GPATCH2: variants seen among roughly 807,000 people sequenced by gnomAD.
The protein encoded by GPATCH2 is G-patch domain containing 2, also known as G patch domain-containing protein 2.
A neutral mutation model predicts 58.0 loss-of-function variants in GPATCH2; 51 were observed. That is an observed-to-expected ratio of 0.88 (90% CI 0.70 to 1.11). GPATCH2 has a LOEUF of 1.11. Ranked by LOEUF, GPATCH2 falls within the 50% of genes most tolerant of loss-of-function variation. The pLI, the probability that GPATCH2 is intolerant of heterozygous loss-of-function variation, is 0.00. For missense variants in GPATCH2, 625 were observed against 652.2 expected (o/e 0.96, Z 0.45); for synonymous variants, 222 against 218.5 (o/e 1.02, Z -0.14).
chr1:217,617,119 T>C (rs975390951), intron 2 of GPATCH2, among the ~76,000 whole-genome samples: 1 of 152,186 alleles, frequency 6.6e-6, no homozygotes, highest in Non-Finnish European at 1.5e-5. Flanking sequence ...ACTGATCCCA[T>C]TGACTATAAG....
In GPATCH2 at chr1:217,430,305, C is replaced by A. The variant is rs762039660; in HGVS notation, c.*840G>T. The stretch of plus-strand genomic sequence containing the variant: ...ATTAAAATTTTAAATCCGTTTACTA[C>A]ACTTGAGTTGATCTTAAAAATAATA... On this transcript the variant is annotated 3_prime_UTR_variant, in exon 10 of 10. Coordinates refer to ENST00000366935, the MANE Select transcript of GPATCH2 (RefSeq NM_018040.5). The A allele has an allele frequency of 2.6e-5, 4 of 152,158 alleles. No individual in the cohort carries two copies. Among genetic ancestry groups the A allele is most frequent in the Non-Finnish European group, 5.9e-5 (4 of 68,032 alleles). The allele number at this position is 152,158 out of a possible 1,614,324, so 9.4% of individuals were successfully genotyped here.
chr1:217,571,360 C>A (rs942343362), intron 5 of GPATCH2, among the ~76,000 whole-genome samples: 6 of 152,026 alleles, frequency 3.9e-5, no homozygotes, highest in African/African-American at 7.3e-5. Context: ...AGCCTAAATG[C>A]TAAATGTGAT....
At chr1:217,584,453 C>CG (rs770834382) in intron 5 of GPATCH2, among the ~76,000 whole-genome samples, 35 of 150,990 alleles carry the variant, frequency 2.3e-4, no homozygotes, top group Non-Finnish European at 4.3e-4. Flanking sequence ...TGCTTGAACC[C>CG]GGGAGGCGGA....
intron 9 of GPATCH2, among the ~76,000 whole-genome samples, chr1:217,433,992 A>C (rs923501674): frequency 6.6e-6 from 1 of 152,208 alleles, no homozygotes; most frequent in Non-Finnish European, 1.5e-5. Flanking sequence ...CTCAATCTTC[A>C]GTGCATTTCA....
chr1:217,491,650 A>G (rs965055157), intron 8 of GPATCH2, 30 bp downstream of exon 8: 3 of 1,084,674 alleles, frequency 2.8e-6, no homozygotes, highest in African/African-American at 3.2e-5. Context: ...AAGAAAATGA[A>G]TGAATAAAAA....
At chr1:217,530,606 C>A (rs1397357595) in intron 5 of GPATCH2, among the ~76,000 whole-genome samples, 1 of 151,976 alleles carries the variant, frequency 6.6e-6, no homozygotes, top group Admixed American at 6.6e-5. Context: ...TTTATTGGGG[C>A]CATCACCACT....
At chr1:217,460,197 T>C (rs1468971202) in intron 8 of GPATCH2, among the ~76,000 whole-genome samples, 1 of 152,196 alleles carries the variant, frequency 6.6e-6, no homozygotes, top group Non-Finnish European at 1.5e-5. Flanking sequence ...CCAGAACTGT[T>C]ACTTGTCAAA....
intron 5 of GPATCH2, among the ~76,000 whole-genome samples, chr1:217,541,422 T>G (rs1664735006): frequency 6.6e-6 from 1 of 152,166 alleles, no homozygotes; most frequent in Non-Finnish European, 1.5e-5. Context: ...AGCAATGTTT[T>G]TGTTTTCTCC....
intron 5 of GPATCH2, among the ~76,000 whole-genome samples, chr1:217,527,589 G>A (rs1222066775): frequency 1.3e-5 from 2 of 151,492 alleles, no homozygotes; most frequent in Non-Finnish European, 2.9e-5. Context: ...ATGTCAGGAG[G>A]GAAACAAACA....
intron 5 of GPATCH2, among the ~76,000 whole-genome samples, chr1:217,550,558 G>T (rs555287767): frequency 6.6e-6 from 1 of 151,960 alleles, no homozygotes; most frequent in South Asian, 2.1e-4. Flanking sequence ...TCGTCTATAA[G>T]TGAAAGTCAA....
intron 5 of GPATCH2, chr1:217,610,010 C>T: frequency 7.1e-7 from 1 of 1,412,190 alleles, no homozygotes. Context: ...GAATACCAGT[C>T]CTCCAGCAAA....
In GPATCH2 at chr1:217,429,352, C is replaced by T. The variant is rs1439915589; in HGVS notation, c.*1793G>A. 1 of 152,134 alleles carries T rather than the reference C, an allele frequency of 6.6e-6. No individual in the cohort carries two copies. The highest frequency in any genetic ancestry group is 1.5e-5 in the Non-Finnish European group (1 of 68,042). The allele number at this position is 152,134 out of a possible 1,614,324, so 9.4% of individuals were successfully genotyped here. On this transcript the variant is annotated 3_prime_UTR_variant, in exon 10 of 10. Coordinates refer to ENST00000366935, the MANE Select transcript of GPATCH2 (RefSeq NM_018040.5). ...GGTCGTCCATAGTTCCCTAACCAAC[C>T]TGTCCTCTAGGTACAATATCCCTGG...
At chr1:217,524,923 AGAGGGGAGAGGGGAGAG>A (rs1178578019) in intron 5 of GPATCH2, among the ~76,000 whole-genome samples, 1 of 3,432 alleles carries the variant, frequency 2.9e-4, no homozygotes, top group Non-Finnish European at 5.5e-4. Flanking sequence ...GGGAGGGGGG[AGAGGGGAGAGGGGAGAG>A]GGAGATTTCA....
intron 8 of GPATCH2, among the ~76,000 whole-genome samples, chr1:217,475,564 C>T (rs1260149156): frequency 6.6e-6 from 1 of 151,944 alleles, no homozygotes; most frequent in Admixed American, 6.6e-5. Flanking sequence ...AAAACTGCCT[C>T]CAAATCTTCC....
At chr1:217,432,079 A>G (rs1326798277) in intron 9 of GPATCH2, among the ~76,000 whole-genome samples, 1 of 151,962 alleles carries the variant, frequency 6.6e-6, no homozygotes, top group South Asian at 2.1e-4. Flanking sequence ...AATATATTAT[A>G]TACATTTGCA....
chr1:217,502,158 C>T (rs1300712482), intron 6 of GPATCH2, among the ~76,000 whole-genome samples: 1 of 151,944 alleles, frequency 6.6e-6, no homozygotes, highest in Non-Finnish European at 1.5e-5. Flanking sequence ...TAGGATAATT[C>T]CTACAACTTT....
chr1:217,513,015 C>T (rs541463639), intron 6 of GPATCH2, among the ~76,000 whole-genome samples: 9 of 152,302 alleles, frequency 5.9e-5, no homozygotes, highest in Admixed American at 3.3e-4. Flanking sequence ...TTAGGCCAGG[C>T]GCGGTGGCTC....
At chr1:217,619,735 C>A (rs1008330323) in intron 2 of GPATCH2, 48 bp downstream of exon 2, 10 of 709,782 alleles carry the variant, frequency 1.4e-5, no homozygotes, top group Non-Finnish European at 2.0e-5. Context: ...CATTCAACCA[C>A]AAACACTGGA....
At chr1:217,520,602 T>G (rs916989100) in intron 5 of GPATCH2, among the ~76,000 whole-genome samples, 5 of 152,182 alleles carry the variant, frequency 3.3e-5, no homozygotes, top group Non-Finnish European at 7.3e-5. Flanking sequence ...TATAGTATAG[T>G]GGGTGAAACT....
Sources: gnomAD v4.1 joint callset for allele counts (sites outside exome capture counted in the v4.1 genomes callset) on GRCh38, gnomAD v4.1.1 for gene constraint, MANE v1.5 for transcripts, NCBI Gene and HGNC (gene_info 2026-07-23, HGNC 2026-07-21) for gene names.